The following HSD17B12 variants were observed in gnomAD, a reference collection of about 807,000 sequenced individuals.
HSD17B12 encodes hydroxysteroid 17-beta dehydrogenase 12.
HSD17B12 carries 32 observed loss-of-function variants against 39.3 expected under a neutral mutation model. The ratio of observed to expected loss-of-function variants is 0.81; its 90% CI spans 0.61 to 1.09. The LOEUF (loss-of-function observed/expected upper bound fraction) is 1.09, where lower values mean the gene tolerates loss of function less well. Ranked by LOEUF, HSD17B12 falls within the 50% of genes least tolerant of loss-of-function variation. The pLI, the probability that HSD17B12 is intolerant of heterozygous loss-of-function variation, is 0.00. For missense variants in HSD17B12, 342 were observed against 382.9 expected (o/e 0.89, Z 0.89); for synonymous variants, 150 against 146.7 (o/e 1.02, Z -0.16).
chr11:43,726,250 G>A (rs7942595), intron 1 of HSD17B12, among the ~76,000 whole-genome samples: 77,339 of 151,836 alleles, frequency 0.51, 20,191 homozygotes, highest in African/African-American at 0.55. Flanking sequence ...ACTTGGCCCA[G>A]GTTTATTTGC....
At chr11:43,770,611 C>T (rs1050135628) in intron 3 of HSD17B12, among the ~76,000 whole-genome samples, 1 of 152,158 alleles carries the variant, frequency 6.6e-6, no homozygotes, top group African/African-American at 2.4e-5. Context: ...TGGTGTGCAC[C>T]TGTGGTCCCA....
At chr11:43,697,209 C>T (rs544136153) in intron 1 of HSD17B12, among the ~76,000 whole-genome samples, 13 of 152,154 alleles carry the variant, frequency 8.5e-5, no homozygotes, top group Non-Finnish European at 1.6e-4. Flanking sequence ...GCCATGGTCT[C>T]TATCTCTGCT....
chr11:43,659,466 A>G, the HSD17B12 span, among the ~76,000 whole-genome samples: 2 of 152,112 alleles, frequency 1.3e-5, no homozygotes, highest in Admixed American at 6.5e-5. Flanking sequence ...TGCAGAAATC[A>G]CCCATCTTCT....
chr11:43,807,700 C>T (rs1951032458), intron 4 of HSD17B12, among the ~76,000 whole-genome samples: 1 of 152,078 alleles, frequency 6.6e-6, no homozygotes, highest in Admixed American at 6.5e-5. Flanking sequence ...AGAAGTGAGA[C>T]ATAAGATGAT....
chr11:43,704,697 AGAG>A (rs1254475820), intron 1 of HSD17B12, among the ~76,000 whole-genome samples: 1 of 152,300 alleles, frequency 6.6e-6, no homozygotes, highest in East Asian at 1.9e-4. Flanking sequence ...ATGAGATATG[AGAG>A]GAGATTTGCT....
At chr11:43,695,383 A>G (rs2134792668) in intron 1 of HSD17B12, among the ~76,000 whole-genome samples, 1 of 152,240 alleles carries the variant, frequency 6.6e-6, no homozygotes, top group Non-Finnish European at 1.5e-5. Flanking sequence ...GTTTGAGACC[A>G]GCCTGACCAA....
chr11:43,704,776 G>C (rs1312464628), intron 1 of HSD17B12, among the ~76,000 whole-genome samples: 2 of 152,186 alleles, frequency 1.3e-5, no homozygotes, highest in Admixed American at 6.5e-5. Context: ...GTGTTATTAT[G>C]TGAGGATGGG....
intron 1 of HSD17B12, among the ~76,000 whole-genome samples, chr11:43,740,933 A>G (rs1044285776): frequency 6.6e-6 from 1 of 152,250 alleles, no homozygotes; most frequent in Non-Finnish European, 1.5e-5. Context: ...CATTTAACAC[A>G]TGAAGGATGG....
chr11:43,710,637 A>T (rs1353280659), intron 1 of HSD17B12, among the ~76,000 whole-genome samples: 4 of 152,190 alleles, frequency 2.6e-5, no homozygotes, highest in African/African-American at 9.7e-5. Flanking sequence ...CTGACTCTAG[A>T]GGGTGCTTAA....
At chr11:43,587,421 A>G in the HSD17B12 span, among the ~76,000 whole-genome samples, 2 of 152,198 alleles carry the variant, frequency 1.3e-5, no homozygotes, top group African/African-American at 2.4e-5. Flanking sequence ...TCTAAGGCCT[A>G]CATTTTACAA....
the HSD17B12 span, among the ~76,000 whole-genome samples, chr11:43,627,742 C>G: frequency 6.6e-6 from 1 of 151,880 alleles, no homozygotes; most frequent in Non-Finnish European, 1.5e-5. Flanking sequence ...ATAGTATTAT[C>G]AAAGAGAATT....
At chr11:43,815,814 A>G (rs940690775) in intron 5 of HSD17B12, among the ~76,000 whole-genome samples, 1 of 152,196 alleles carries the variant, frequency 6.6e-6, no homozygotes, top group African/African-American at 2.4e-5. Flanking sequence ...ATATCAAAAT[A>G]GCTCTGTTGT....
the HSD17B12 span, chr11:43,579,587 G>C: frequency 2.0e-5 from 3 of 152,190 alleles, no homozygotes; most frequent in African/African-American, 7.2e-5. Context: ...GTCGGCTCAC[G>C]GGTAGTCTGA....
At chr11:43,563,900 C>A in the HSD17B12 span, among the ~76,000 whole-genome samples, 3 of 152,086 alleles carry the variant, frequency 2.0e-5, no homozygotes, top group Non-Finnish European at 2.9e-5. Context: ...TTATGTTTTA[C>A]TGCAATACAT....
intron 3 of HSD17B12, among the ~76,000 whole-genome samples, chr11:43,791,335 C>T (rs1950865747): frequency 6.6e-6 from 1 of 152,120 alleles, no homozygotes; most frequent in Non-Finnish European, 1.5e-5. Context: ...AGTTCGAGAC[C>T]AGCCTGGCCA....
At chr11:43,611,658 C>T in the HSD17B12 span, among the ~76,000 whole-genome samples, 174 of 152,284 alleles carry the variant, frequency 1.1e-3, no homozygotes, top group Middle Eastern at 6.8e-3. Flanking sequence ...TCTGGTCAGG[C>T]GCAGGTGACA....
intron 2 of HSD17B12, among the ~76,000 whole-genome samples, chr11:43,753,253 G>T (rs1950481055): frequency 6.6e-6 from 1 of 151,860 alleles, no homozygotes; most frequent in Admixed American, 6.6e-5. Flanking sequence ...GTTTGCCATG[G>T]TCCATAAAGT....
At chr11:43,592,199 T>C in the HSD17B12 span, among the ~76,000 whole-genome samples, 1 of 152,100 alleles carries the variant, frequency 6.6e-6, no homozygotes, top group Non-Finnish European at 1.5e-5. Flanking sequence ...AACAGGTTGT[T>C]TTATTTATAA....
At chr11:43,787,392 C>G (rs1393031460) in intron 3 of HSD17B12, among the ~76,000 whole-genome samples, 1 of 152,106 alleles carries the variant, frequency 6.6e-6, no homozygotes, top group Non-Finnish European at 1.5e-5. Flanking sequence ...GATTATTCTA[C>G]TCTTGACAAA....
Sources: allele counts gnomAD v4.1 joint callset (sites outside exome capture counted in the v4.1 genomes callset), GRCh38; gene constraint gnomAD v4.1.1; transcripts MANE v1.5; gene names NCBI Gene and HGNC (gene_info 2026-07-23, HGNC 2026-07-21).